Variants in ZFHX3 observed in about 807,000 individuals in gnomAD.
ZFHX3 encodes zinc finger homeobox 3, also known as zinc finger homeobox protein 3.
ZFHX3 carries 42 observed loss-of-function variants against 279.1 expected under a neutral mutation model. The observed-to-expected ratio is 0.15, with a 90% CI of 0.12 to 0.19. The LOEUF is 0.19. Among genes scored for constraint, ZFHX3 ranks in the 10% least tolerant of loss-of-function variants. ZFHX3 has a pLI of 1.00. For missense variants in ZFHX3, 4,981 were observed against 4,754.0 expected (o/e 1.05, Z -1.40); for synonymous variants, 2,293 against 1,957.8 (o/e 1.17, Z -4.52).
intron 1 of ZFHX3, among the ~76,000 whole-genome samples, chr16:73,018,919 C>T (rs1159751807): frequency 1.3e-5 from 2 of 152,138 alleles, no homozygotes; most frequent in Non-Finnish European, 2.9e-5. Context: ...TGTTGGGGCT[C>T]AAGCTTCCGG....
At chr16:73,280,349 A>G (rs1309929677) in intron 4 of ZFHX3, among the ~76,000 whole-genome samples, 1 of 152,218 alleles carries the variant, frequency 6.6e-6, no homozygotes. Flanking sequence ...TGCAAGCCAT[A>G]TATCTGATAA....
intron 3 of ZFHX3, among the ~76,000 whole-genome samples, chr16:73,443,015 C>A (rs1597337259): frequency 6.6e-6 from 1 of 152,128 alleles, no homozygotes; most frequent in Non-Finnish European, 1.5e-5. Context: ...GATTAGGGCC[C>A]ACCCTAACAA....
intron 5 of ZFHX3, among the ~76,000 whole-genome samples, chr16:72,813,268 G>A (rs2036515229): frequency 6.6e-6 from 1 of 152,180 alleles, no homozygotes; most frequent in African/African-American, 2.4e-5. Flanking sequence ...TCAGGTCACT[G>A]AATTAGAAAG....
chr16:73,266,186 C>T (rs918347209), intron 4 of ZFHX3, among the ~76,000 whole-genome samples: 3 of 152,156 alleles, frequency 2.0e-5, no homozygotes, highest in Admixed American at 6.5e-5. Flanking sequence ...CAATGCTCAC[C>T]GCCTGTATCC....
chr16:72,820,253 G>C (rs548985967), intron 5 of ZFHX3, among the ~76,000 whole-genome samples: 60 of 152,164 alleles, frequency 3.9e-4, no homozygotes, highest in African/African-American at 1.4e-3. Context: ...CTTGCTCTGC[G>C]TATTTTGGGA....
At chr16:73,570,817 T>C (rs1025125737) in intron 2 of ZFHX3, among the ~76,000 whole-genome samples, 2 of 152,108 alleles carry the variant, frequency 1.3e-5, no homozygotes, top group African/African-American at 4.8e-5. Flanking sequence ...CTAATTTTTA[T>C]TATAAGACTA....
At chr16:73,473,442 A>G (rs2018711339) in intron 2 of ZFHX3, among the ~76,000 whole-genome samples, 1 of 152,066 alleles carries the variant, frequency 6.6e-6, no homozygotes, top group Non-Finnish European at 1.5e-5. Flanking sequence ...GGAGGCGAAA[A>G]TAAGGTAGGA....
chr16:73,119,637 G>C (rs1966473260), intron 7 of ZFHX3, among the ~76,000 whole-genome samples: 1 of 152,210 alleles, frequency 6.6e-6, no homozygotes, highest in Non-Finnish European at 1.5e-5. Flanking sequence ...AGATCTGTTT[G>C]AGTTGATTTC....
At chr16:73,440,185 T>G (rs2018065234) in intron 3 of ZFHX3, among the ~76,000 whole-genome samples, 1 of 152,096 alleles carries the variant, frequency 6.6e-6, no homozygotes, top group Admixed American at 6.6e-5. Context: ...GAAGTGCAAA[T>G]CAGAAAGTCA....
At chr16:73,284,316 C>CAAAAA (rs71156152) in intron 4 of ZFHX3, among the ~76,000 whole-genome samples, 6 of 83,300 alleles carry the variant, frequency 7.2e-5, no homozygotes, top group African/African-American at 2.4e-4. Flanking sequence ...GACTCTGTCT[C>CAAAAA]AAAAAAAAAA....
At position 72,788,440 on chromosome 16, in the gene ZFHX3, A is replaced by G. The variant is rs754284817; in HGVS notation, c.9836T>C (p.Met3279Thr). ...CTGTGCAGGGTCTACCGCATACTCC[A>G]TGGTGGGCAGCGGGGCTGAGATCGT... ...AATISAPLPT[M>T]EYAVDPAQLQ... Residue 3279 changes from methionine to threonine, a missense_variant, in exon 10 of 10, where the codon ATG (methionine) becomes ACG (threonine). This residue lies in a region of ZFHX3 where 1,034 missense variants were observed against 786.0 expected (regional missense o/e 1.32). Coordinates refer to ENST00000268489, the MANE Select transcript of ZFHX3 (RefSeq NM_006885.4). 1.9e-6 allele frequency: 3 copies of G among 1,614,206 alleles called. No individual in the cohort carries two copies. The highest frequency in any genetic ancestry group is 2.5e-6 in the Non-Finnish European group (3 of 1,180,028).
chr16:73,881,591 T>C (rs2030167342), intron 1 of ZFHX3, among the ~76,000 whole-genome samples: 1 of 150,820 alleles, frequency 6.6e-6, no homozygotes, highest in African/African-American at 2.4e-5. Flanking sequence ...TTAGGAAATA[T>C]TGATGTTATT....
chr16:73,818,675 G>T (rs1400556224), intron 1 of ZFHX3, among the ~76,000 whole-genome samples: 3 of 152,212 alleles, frequency 2.0e-5, no homozygotes, highest in Non-Finnish European at 4.4e-5. Flanking sequence ...TAACAAAAAT[G>T]CCTTCAAGGT....
chr16:73,719,703 G>A (rs978183251), intron 1 of ZFHX3, among the ~76,000 whole-genome samples: 8 of 151,652 alleles, frequency 5.3e-5, no homozygotes, highest in African/African-American at 1.7e-4. Flanking sequence ...GCGCGATCTC[G>A]GCTCACTGCA....
At position 72,958,733 on chromosome 16, in the gene ZFHX3, C is replaced by T. The variant is rs146146574; in HGVS notation, c.1413G>A (p.Glu471=). The change falls in exon 2 of 10, where the codon GAG becomes GAA. Residue 471 remains glutamate (E), a synonymous_variant. Coordinates refer to ENST00000268489, the MANE Select transcript of ZFHX3 (RefSeq NM_006885.4). ...CCTCTTCTTCCTCCTCCTCCTCCGC[C>T]TCTTCCTCCTCCTCTTCCTCCTCCG... ...EEAEEEEEEE[E]AEEEEEEEEE... The T allele has an allele frequency of 5.8e-5, 94 of 1,611,486 alleles. No individual in the cohort carries two copies. The highest frequency in any genetic ancestry group is 7.4e-5 in the Non-Finnish European group (87 of 1,178,486).
intron 3 of ZFHX3, among the ~76,000 whole-genome samples, chr16:73,383,814 G>A (rs1489367733): frequency 1.3e-5 from 2 of 152,170 alleles, no homozygotes; most frequent in Non-Finnish European, 1.5e-5. Flanking sequence ...AATGGACCCT[G>A]CTTGCCAACG....
intron 2 of ZFHX3, among the ~76,000 whole-genome samples, chr16:73,518,801 G>A (rs1567507879): frequency 1.3e-5 from 2 of 152,148 alleles, no homozygotes; most frequent in South Asian, 2.1e-4. Flanking sequence ...CAAAGTCTTC[G>A]AAAAGCATTG....
chr16:72,861,726 T>C (rs146467384), intron 4 of ZFHX3, among the ~76,000 whole-genome samples: 54 of 152,212 alleles, frequency 3.5e-4, no homozygotes, highest in Admixed American at 2.6e-4. Context: ...CAAGAATAGA[T>C]AGAACCCGCT....
chr16:73,170,990 G>T (rs748464670), intron 5 of ZFHX3, among the ~76,000 whole-genome samples: 1 of 152,126 alleles, frequency 6.6e-6, no homozygotes, highest in Non-Finnish European at 1.5e-5. Context: ...GTGCGGCAGG[G>T]ATTCAAGTCC....
Sources: allele counts gnomAD v4.1 joint callset (sites outside exome capture counted in the v4.1 genomes callset), GRCh38; gene constraint gnomAD v4.1.1; regional missense constraint gnomAD v4.1.1; transcripts MANE v1.5; gene names NCBI Gene and HGNC (gene_info 2026-07-23, HGNC 2026-07-21).